The following CHL1 variants were observed in gnomAD, a reference collection of about 807,000 sequenced individuals.
CHL1 encodes the protein neural cell adhesion molecule L1-like protein.
A neutral mutation model predicts 141.9 loss-of-function variants in CHL1; 96 were observed. The ratio of observed to expected loss-of-function variants is 0.68; its 90% CI spans 0.57 to 0.80. The LOEUF (loss-of-function observed/expected upper bound fraction) is 0.80. Among genes scored for constraint, CHL1 ranks in the 30% least tolerant of loss-of-function variants. CHL1 has a pLI of 0.00. For missense variants in CHL1, 1,820 were observed against 1,457.2 expected, an observed-to-expected ratio of 1.25 and a Z score of -4.05; for synonymous variants, 613 against 502.2, an observed-to-expected ratio of 1.22 and a Z score of -2.95.
intron 1 of CHL1, among the ~76,000 whole-genome samples, chr3:241,866 CAG>C (rs1029984672): frequency 2.7e-5 from 3 of 112,092 alleles, no homozygotes; most frequent in African/African-American, 8.3e-5. Flanking sequence ...TCACTAATAA[CAG>C]AGAATAAGTA....
At chr3:325,233 T>C (rs1372711852) in intron 3 of CHL1, among the ~76,000 whole-genome samples, 1 of 151,864 alleles carries the variant, frequency 6.6e-6, no homozygotes, top group Non-Finnish European at 1.5e-5. Flanking sequence ...AATGCTAAAC[T>C]ATTTTATTAT....
chr3:398,167 T>C (rs1708829820), intron 24 of CHL1, 60 bp from the exon 25 acceptor site: 5 of 1,210,236 alleles, frequency 4.1e-6, no homozygotes, highest in Non-Finnish European at 5.6e-6. Context: ...AACAATATTT[T>C]TTTATGTCCT....
intron 2 of CHL1, among the ~76,000 whole-genome samples, chr3:281,971 C>T (rs1040444803): frequency 6.6e-6 from 1 of 152,120 alleles, no homozygotes; most frequent in Admixed American, 6.5e-5. Context: ...TCTGCTAATC[C>T]TTACTTTTTG....
intron 6 of CHL1, among the ~76,000 whole-genome samples, chr3:341,272 A>C (rs1483675283): frequency 6.6e-6 from 1 of 152,164 alleles, no homozygotes; most frequent in Non-Finnish European, 1.5e-5. Flanking sequence ...GCTGACTCTG[A>C]TCTGAAAATC....
Position 382,224 on chromosome 3 carries a change from A to G in CHL1, c.1922A>G (p.Asn641Ser). 6.2e-7 allele frequency: 1 copy of G among 1,613,850 alleles called. No homozygotes were observed. Among genetic ancestry groups the G allele is most frequent in the Non-Finnish European group, 8.5e-7 (1 of 1,179,798 alleles). The change falls in exon 17 of 28, where the codon AAC becomes AGC. Residue 641 changes from asparagine to serine, a missense_variant. Coordinates refer to ENST00000256509, the MANE Select transcript of CHL1 (RefSeq NM_006614.4). ...PENLHLSERQ[N>S]RSVRLTWEAG... ...AACCTTCACTTGTCTGAAAGACAGA[A>G]CAGGAGTGTTCGGCTGACCTGGGAA...
Position 407,179 on chromosome 3 carries a change from C to A in CHL1, c.*1468C>A, listed in dbSNP as rs899603790. On this transcript the variant is annotated 3_prime_UTR_variant, in exon 28 of 28. Coordinates refer to ENST00000256509, the MANE Select transcript of CHL1 (RefSeq NM_006614.4). ...ACATTTTATGGAAAGATTTTTTTAA[C>A]CTTACCACGAAATACTTAACTACTG... is the stretch of plus-strand genomic sequence containing the variant. 4 of 152,058 alleles carry A rather than the reference C, an allele frequency of 2.6e-5. No homozygotes were observed. Among genetic ancestry groups the A allele is most frequent in the East Asian group, 1.9e-4 (1 of 5,170 alleles). The allele number at this position is 152,058 out of a possible 1,614,324, so 9.4% of individuals were successfully genotyped here.
At chr3:236,971 A>G (rs1692048292) in intron 1 of CHL1, among the ~76,000 whole-genome samples, 1 of 152,298 alleles carries the variant, frequency 6.6e-6, no homozygotes, top group South Asian at 2.1e-4. Context: ...TAGTTAGGAA[A>G]CACGTCATTA....
At chr3:405,212 C>T (rs188133491) in intron 27 of CHL1, among the ~76,000 whole-genome samples, 3 of 152,236 alleles carry the variant, frequency 2.0e-5, no homozygotes, top group East Asian at 1.9e-4. Context: ...TCCCACATGT[C>T]CTACAGAAGC....
At chr3:266,494 A>G (rs910515633) in intron 2 of CHL1, among the ~76,000 whole-genome samples, 3 of 152,130 alleles carry the variant, frequency 2.0e-5, no homozygotes, top group African/African-American at 7.2e-5. Flanking sequence ...ATTATGAGCA[A>G]ACTGACTCCT....
chr3:343,488 A>G (rs1421333547), intron 8 of CHL1, among the ~76,000 whole-genome samples: 1 of 152,144 alleles, frequency 6.6e-6, no homozygotes, highest in Non-Finnish European at 1.5e-5. Context: ...TGAGAAAAAA[A>G]CAGTTTGTAG....
At chr3:289,747 T>C (rs1421531126) in intron 2 of CHL1, among the ~76,000 whole-genome samples, 1 of 151,700 alleles carries the variant, frequency 6.6e-6, no homozygotes, top group Non-Finnish European at 1.5e-5. Flanking sequence ...ATACATATTT[T>C]ATGCTCATTA....
intron 2 of CHL1, among the ~76,000 whole-genome samples, chr3:289,761 CATTT>C (rs1697501964): frequency 6.6e-6 from 1 of 151,238 alleles, no homozygotes; most frequent in Non-Finnish European, 1.5e-5. Flanking sequence ...CTCATTAATA[CATTT>C]ATTTAATACA....
At position 285,508 on chromosome 3, in the gene CHL1, T is replaced by G. The variant is rs572470954; in HGVS notation, c.-94-34175T>G. ...AATCATTTCAGTTCTTTCCCTAATTTTGCTTTCTAGCCTGGTACTTAAAAT... is the reference window on the plus strand; with the variant it reads ...AATCATTTCAGTTCTTTCCCTAATTGTGCTTTCTAGCCTGGTACTTAAAAT... On this transcript the variant is annotated intron_variant, in intron 2 of 27. Coordinates refer to ENST00000256509, the MANE Select transcript of CHL1 (RefSeq NM_006614.4). Among the ~76,000 whole-genome samples the G allele has an allele frequency of 5.9e-5, 9 of 152,292 alleles. No individual in the cohort carries two copies. In the East Asian group the frequency reaches 1.7e-3, roughly 29 times the overall value.
chr3:274,501 A>G (rs1332882527), intron 2 of CHL1, among the ~76,000 whole-genome samples: 1 of 152,264 alleles, frequency 6.6e-6, no homozygotes, highest in Admixed American at 6.5e-5. Context: ...AAATGGGGAA[A>G]TAACTGCTTT....
In CHL1 at chr3:363,391, T is replaced by C. The variant is rs1704483426; in HGVS notation, c.1585+8T>C. ...CCAATTTGGATATTAGAAGTATTTT[T>C]ATTTCACTGTTACTTTGCATGAATT... is the stretch of plus-strand genomic sequence containing the variant. On this transcript the variant is annotated splice_region_variant and intron_variant, in intron 14 of 27. Transcript: ENST00000256509. 1 of 1,606,924 alleles carries C rather than the reference T, an allele frequency of 6.2e-7. No homozygotes were observed. Among genetic ancestry groups the C allele is most frequent in the African/African-American group, 1.3e-5 (1 of 74,524 alleles).
At chr3:307,877 A>G (rs1466401259) in intron 2 of CHL1, among the ~76,000 whole-genome samples, 1 of 152,252 alleles carries the variant, frequency 6.6e-6, no homozygotes, top group African/African-American at 2.4e-5. Flanking sequence ...TAGCCTCTAC[A>G]TTACCACACA....
intron 1 of CHL1, among the ~76,000 whole-genome samples, chr3:228,074 G>T (rs987774984): frequency 2.6e-5 from 4 of 152,094 alleles, no homozygotes; most frequent in African/African-American, 9.7e-5. Flanking sequence ...GGCAAACACT[G>T]CCTAATGGAA....
chr3:303,865 C>T (rs1698982281), intron 2 of CHL1, among the ~76,000 whole-genome samples: 1 of 152,086 alleles, frequency 6.6e-6, no homozygotes, highest in African/African-American at 2.4e-5. Flanking sequence ...GTGGGTTTGC[C>T]ATAAATAGCT....
chr3:323,480 A>C (rs1024795939), intron 3 of CHL1, among the ~76,000 whole-genome samples: 2 of 152,264 alleles, frequency 1.3e-5, no homozygotes, highest in Middle Eastern at 3.4e-3. Context: ...TAAAAAAAGT[A>C]AAATGGTTTA....
Sources: allele counts gnomAD v4.1 joint callset (sites outside exome capture counted in the v4.1 genomes callset), GRCh38; gene constraint gnomAD v4.1.1; transcripts MANE v1.5; gene names NCBI Gene and HGNC (gene_info 2026-07-23, HGNC 2026-07-21).